Variants in KCNB2 observed in about 807,000 individuals in gnomAD.
The protein encoded by KCNB2 is delayed rectifier potassium channel protein.
In KCNB2, 15 loss-of-function variants were observed where a neutral mutation model predicts 61.5. That is an observed-to-expected ratio of 0.24 (90% CI 0.16 to 0.38). The LOEUF (loss-of-function observed/expected upper bound fraction) is 0.38. KCNB2 is among the 10% of genes least tolerant of loss of function. KCNB2 has a pLI of 1.00. For synonymous variants in KCNB2, 457 were observed against 446.0 expected, an observed-to-expected ratio of 1.02 and a Z score of -0.31; for missense variants, 828 against 1,125.2, an observed-to-expected ratio of 0.74 and a Z score of 3.78.
intron 2 of KCNB2, among the ~76,000 whole-genome samples, chr8:72,704,533 G>GTGTGTA (rs1389066070): frequency 2.8e-5 from 4 of 142,288 alleles, no homozygotes; most frequent in African/African-American, 8.5e-5. Flanking sequence ...GTGTGTGTGT[G>GTGTGTA]TGTGTATTGG....
At chr8:72,650,590 T>G (rs1198389241) in intron 2 of KCNB2, among the ~76,000 whole-genome samples, 5 of 152,168 alleles carry the variant, frequency 3.3e-5, no homozygotes, top group Admixed American at 3.3e-4. Flanking sequence ...CAGGTCTCTC[T>G]GATACCACCT....
At chr8:72,631,343 T>C (rs541566031) in intron 2 of KCNB2, among the ~76,000 whole-genome samples, 123 of 152,330 alleles carry the variant, frequency 8.1e-4, no homozygotes, top group African/African-American at 2.8e-3. Context: ...TTGTGGGCTG[T>C]GAGGGAGAAA....
chr8:72,934,210 C>CA (rs1399705464), intron 2 of KCNB2, among the ~76,000 whole-genome samples: 11 of 151,350 alleles, frequency 7.3e-5, no homozygotes, highest in Admixed American at 2.0e-4. Flanking sequence ...ACTAAAAATA[C>CA]AAAAAAAATT....
At chr8:72,917,671 A>C (rs969419193) in intron 2 of KCNB2, among the ~76,000 whole-genome samples, 4 of 152,218 alleles carry the variant, frequency 2.6e-5, no homozygotes, top group Non-Finnish European at 5.9e-5. Flanking sequence ...TTTTAAAAGA[A>C]TGGTGGTCCC....
chr8:72,916,398 C>G (rs766587367), intron 2 of KCNB2, among the ~76,000 whole-genome samples: 2 of 152,146 alleles, frequency 1.3e-5, no homozygotes, highest in Non-Finnish European at 2.9e-5. Flanking sequence ...GTTCCACCCC[C>G]TCACGGGACG....
chr8:72,648,474 A>G (rs190298570), intron 2 of KCNB2, among the ~76,000 whole-genome samples: 79 of 151,042 alleles, frequency 5.2e-4, no homozygotes, highest in African/African-American at 1.8e-3. Flanking sequence ...TACAGGGTCT[A>G]TGTTGCCTAG....
chr8:72,584,924 G>A (rs1258752457), intron 2 of KCNB2, among the ~76,000 whole-genome samples: 1 of 152,072 alleles, frequency 6.6e-6, no homozygotes, highest in Non-Finnish European at 1.5e-5. Context: ...TGGCTCCCTA[G>A]TCCAGATTAT....
intron 2 of KCNB2, among the ~76,000 whole-genome samples, chr8:72,857,553 C>T (rs17774676): frequency 0.56 from 73,172 of 129,698 alleles, 18,638 homozygotes; most frequent in Middle Eastern, 0.66. Context: ...CAGGTGCCTA[C>T]GAGATGTTGT....
intron 2 of KCNB2, among the ~76,000 whole-genome samples, chr8:72,645,763 C>T (rs375688656): frequency 1.3e-5 from 2 of 152,144 alleles, no homozygotes; most frequent in African/African-American, 4.8e-5. Context: ...TAGGATGAAA[C>T]TTCAAATGGA....
chr8:72,736,065 A>G (rs1251070628), intron 2 of KCNB2, among the ~76,000 whole-genome samples: 1 of 152,158 alleles, frequency 6.6e-6, no homozygotes, highest in Non-Finnish European at 1.5e-5. Flanking sequence ...AAACTGAAAT[A>G]TTTCTCAAGT....
chr8:72,650,220 G>A lies in KCNB2; in HGVS notation c.579+81907G>A, dbSNP rs184661131. Among the ~76,000 whole-genome samples the A allele has an allele frequency of 1.1e-4, 17 of 152,176 alleles. 2 individuals are homozygous for A. Among genetic ancestry groups the A allele is most frequent in the East Asian group, 9.7e-4 (5 of 5,178 alleles). Reference sequence around the variant, plus strand: ...CTAGAAGTTTCTATATATAGCTTGCGTTTATTTTTACAAGTCCATTTAACT... The same window carrying A: ...CTAGAAGTTTCTATATATAGCTTGCATTTATTTTTACAAGTCCATTTAACT... On this transcript the variant is annotated intron_variant, in intron 2 of 2. Transcript: ENST00000523207.
intron 2 of KCNB2, among the ~76,000 whole-genome samples, chr8:72,703,127 A>G (rs1807162516): frequency 6.6e-6 from 1 of 152,226 alleles, no homozygotes; most frequent in African/African-American, 2.4e-5. Flanking sequence ...GCGTATAGAA[A>G]TTAAAGGCCT....
chr8:72,544,267 G>A (rs115025529), intron 1 of KCNB2, among the ~76,000 whole-genome samples: 1,871 of 152,282 alleles, frequency 0.012, 28 homozygotes, highest in African/African-American at 0.042. Context: ...GTGGGGAAGT[G>A]ATGGGAGACG....
intron 2 of KCNB2, among the ~76,000 whole-genome samples, chr8:72,767,123 T>C (rs1015974598): frequency 3.9e-5 from 6 of 152,116 alleles, no homozygotes; most frequent in African/African-American, 1.4e-4. Context: ...TCCCACAACA[T>C]GTGGGAATTC....
intron 2 of KCNB2, among the ~76,000 whole-genome samples, chr8:72,801,263 C>T (rs993786892): frequency 6.6e-6 from 1 of 152,212 alleles, no homozygotes; most frequent in African/African-American, 2.4e-5. Context: ...TTGTCCTAAA[C>T]ACCTAAGATA....
intron 2 of KCNB2, among the ~76,000 whole-genome samples, chr8:72,817,659 A>G (rs1563393861): frequency 6.6e-6 from 1 of 152,102 alleles, no homozygotes; most frequent in African/African-American, 2.4e-5. Flanking sequence ...TCTTTCAGTA[A>G]CTTTCTCAAC....
chr8:72,623,757 C>T (rs972257786), intron 2 of KCNB2, among the ~76,000 whole-genome samples: 1 of 152,172 alleles, frequency 6.6e-6, no homozygotes, highest in Non-Finnish European at 1.5e-5. Flanking sequence ...ATGACAACCA[C>T]TACAGGTAGG....
At chr8:72,760,614 C>G (rs1000637076) in intron 2 of KCNB2, among the ~76,000 whole-genome samples, 1 of 152,084 alleles carries the variant, frequency 6.6e-6, no homozygotes, top group Non-Finnish European at 1.5e-5. Context: ...TATTTTGATA[C>G]AAAATGAAAT....
intron 2 of KCNB2, among the ~76,000 whole-genome samples, chr8:72,694,510 A>T (rs577014190): frequency 6.6e-6 from 1 of 152,322 alleles, no homozygotes; most frequent in Non-Finnish European, 1.5e-5. Context: ...CAATTTTTTT[A>T]AATGTGTATG....
Sources: allele counts gnomAD v4.1 joint callset (sites outside exome capture counted in the v4.1 genomes callset), GRCh38; gene constraint gnomAD v4.1.1; transcripts MANE v1.5; gene names NCBI Gene and HGNC (gene_info 2026-07-23, HGNC 2026-07-21).